CNN2: variants seen among roughly 807,000 people sequenced by gnomAD.
The protein encoded by CNN2 is calponin 2, also known as calponin-2.
CNN2 carries 21 observed loss-of-function variants against 31.0 expected under a neutral mutation model. The ratio of observed to expected loss-of-function variants is 0.68; its 90% CI spans 0.48 to 0.98. The LOEUF (loss-of-function observed/expected upper bound fraction) is 0.98. Ranked by LOEUF, CNN2 falls within the 50% of genes least tolerant of loss-of-function variation. CNN2 has a pLI of 0.00. For missense variants in CNN2, 399 were observed against 427.3 expected (o/e 0.93, Z 0.58); for synonymous variants, 165 against 179.6 (o/e 0.92, Z 0.65).
At chr19:1,028,776 C>T (rs1426114429) in intron 1 of CNN2, among the ~76,000 whole-genome samples, 3 of 152,110 alleles carry the variant, frequency 2.0e-5, no homozygotes, top group Non-Finnish European at 4.4e-5. Flanking sequence ...CCGGCAGAGA[C>T]GCGGCGCAGC....
intron 2 of CNN2, among the ~76,000 whole-genome samples, chr19:1,031,896 G>C (rs2039504139): frequency 1.3e-5 from 2 of 152,070 alleles, no homozygotes; most frequent in Admixed American, 1.3e-4. Context: ...GGGCTTACAG[G>C]CCTGAGCCAC....
At chr19:1,031,705 C>A (rs1224810404) in intron 2 of CNN2, among the ~76,000 whole-genome samples, 5 of 150,638 alleles carry the variant, frequency 3.3e-5, no homozygotes, top group Non-Finnish European at 7.4e-5. Context: ...ACCTCCACCT[C>A]CTGGGTTCAA....
At chr19:1,030,110 G>C (rs1178732679) in intron 1 of CNN2, among the ~76,000 whole-genome samples, 1 of 152,082 alleles carries the variant, frequency 6.6e-6, no homozygotes, top group African/African-American at 2.4e-5. Context: ...TGCTGTCTCC[G>C]CGGTCACTAG....
intron 1 of CNN2, among the ~76,000 whole-genome samples, chr19:1,029,802 C>T (rs1351772028): frequency 6.6e-6 from 1 of 151,650 alleles, no homozygotes; most frequent in Non-Finnish European, 1.5e-5. Flanking sequence ...TGGGTTCAAG[C>T]GATTCTCCTG....
chr19:1,036,383 G>A (rs2039584716), intron 5 of CNN2, 33 bp from the exon 6 acceptor site: 1 of 1,606,406 alleles, frequency 6.2e-7, no homozygotes, highest in Non-Finnish European at 8.5e-7. Flanking sequence ...CTTGTTGGGT[G>A]CAGTCTGACC....
At chr19:1,031,275 T>G in intron 2 of CNN2, 83 bp downstream of exon 2, 2 of 1,158,968 alleles carry the variant, frequency 1.7e-6, no homozygotes, top group South Asian at 1.6e-5. Flanking sequence ...AAGAAATTTT[T>G]GGGGGGCCGG....
chr19:1,028,046 G>A (rs754156263), intron 1 of CNN2, among the ~76,000 whole-genome samples: 5 of 152,214 alleles, frequency 3.3e-5, no homozygotes, highest in Non-Finnish European at 1.5e-5. Context: ...TGCATTCATA[G>A]AGCCCCCCGT....
chr19:1,037,562 G>T, intron 6 of CNN2, 63 bp from the exon 7 acceptor site: 1 of 1,571,996 alleles, frequency 6.4e-7, no homozygotes, highest in South Asian at 1.2e-5. Flanking sequence ...GTGAGCCAGT[G>T]CACCCAGTGA....
chr19:1,037,732 C>A lies in CNN2; in HGVS notation c.762C>A (p.Gly254=). ...SMSLQMGYTQ[G]ANQSGQVFGL... ...CCCTGCAGATGGGCTACACGCAGGG[C>A]GCCAACCAGAGCGGCCAGGTCTTCG... is the stretch of plus-strand genomic sequence containing the variant. Residue 254 remains glycine, a synonymous_variant, in exon 7 of 7, where the codon GGC becomes GGA. Coordinates refer to ENST00000263097, the MANE Select transcript of CNN2 (RefSeq NM_004368.4). 1 of 1,536,504 alleles carries A rather than the reference C, an allele frequency of 6.5e-7. No individual in the cohort carries two copies. The highest frequency in any genetic ancestry group is 1.1e-5 in the South Asian group (1 of 88,200).
chr19:1,031,819 T>C (rs2039503057), intron 2 of CNN2, among the ~76,000 whole-genome samples: 2 of 151,166 alleles, frequency 1.3e-5, no homozygotes, highest in Non-Finnish European at 2.9e-5. Flanking sequence ...GGTTGCTCCA[T>C]GTTGGCCAGG....
Position 1,036,538 on chromosome 19 carries a change from G to A in CNN2, c.630G>A (p.Met210Ile). The A allele has an allele frequency of 6.2e-7, 1 of 1,613,568 alleles. No individual in the cohort carries two copies. ...PMDHSTISLQMGTNKCASQVG... is the reference protein window; with the variant it reads ...PMDHSTISLQIGTNKCASQVG... The stretch of plus-strand genomic sequence containing the variant: ...ACCACTCGACCATCAGCCTCCAGAT[G>A]GGCACGAACAAGTGTGCCAGCCAGG... The change falls in exon 6 of 7, where the codon ATG becomes ATA. Residue 210 changes from methionine to isoleucine, a missense_variant. Physicochemically the swap from Met to Ile is conservative, Grantham distance 10 (BLOSUM62 1). Transcript: ENST00000263097.
At chr19:1,035,671 C>T (rs1439950594) in intron 4 of CNN2, among the ~76,000 whole-genome samples, 1 of 152,214 alleles carries the variant, frequency 6.6e-6, no homozygotes, top group African/African-American at 2.4e-5. Flanking sequence ...GCCTGTAATC[C>T]CAGCACTTTT....
At chr19:1,033,714 G>A (rs2039539903) in intron 4 of CNN2, among the ~76,000 whole-genome samples, 1 of 122,122 alleles carries the variant, frequency 8.2e-6, no homozygotes, top group African/African-American at 3.1e-5. Context: ...GACCGGGAGC[G>A]TGGGTGGGAC....
At position 1,031,040 on chromosome 19, in the gene CNN2, C is replaced by A. The variant is rs201917431; in HGVS notation, c.64-31C>A. 4,903 of 1,599,714 alleles carry A rather than the reference C, an allele frequency of 3.1e-3. 14 individuals are homozygous for A. Among genetic ancestry groups the A allele is most frequent in the Non-Finnish European group, 3.0e-3 (3,481 of 1,170,976 alleles). Reference sequence around the variant, plus strand: ...GTTCCTGCTGGGGGTGCCCCCAGCCCAGCTCAGTCTCGTGCCCTTTGCTCC... The same window carrying A: ...GTTCCTGCTGGGGGTGCCCCCAGCCAAGCTCAGTCTCGTGCCCTTTGCTCC... On this transcript the variant is annotated intron_variant, in intron 1 of 6. Coordinates refer to ENST00000263097, the MANE Select transcript of CNN2 (RefSeq NM_004368.4).
rs1226259453 is a variant in CNN2 at position 1,026,616 on chromosome 19, C to G, written c.-46C>G. On this transcript the variant is annotated 5_prime_UTR_variant, in exon 1 of 7. Coordinates refer to ENST00000263097, the MANE Select transcript of CNN2 (RefSeq NM_004368.4). ...CCCCGCGCCAGCCCGGCGGTCCCGT[C>G]CCGTCCCGTCCTGTGCGGCCCCGTC... is the stretch of plus-strand genomic sequence containing the variant. The G allele has an allele frequency of 3.5e-5, 51 of 1,467,028 alleles. No homozygotes were observed. In the East Asian group the frequency reaches 1.5e-3, roughly 42 times the overall value. 90.9% of individuals were successfully genotyped at this position (1,467,028 alleles called of 1,614,324 possible).
chr19:1,036,022 A>G (rs1322767479), intron 4 of CNN2, 108 bp from the exon 5 acceptor site: 1 of 1,441,794 alleles, frequency 6.9e-7, no homozygotes, highest in Non-Finnish European at 9.1e-7. Context: ...TCTGCGCGGC[A>G]GGCAGAGGTG....
intron 1 of CNN2, chr19:1,027,109 C>A (rs2039411723): frequency 5.3e-6 from 1 of 188,450 alleles, no homozygotes; most frequent in South Asian, 1.1e-4. Flanking sequence ...GGGGGGACCC[C>A]AGCAACCCCG....
In CNN2 at chr19:1,037,800, G is replaced by A; in HGVS notation, c.830G>A (p.Gly277Asp). ...TATGACCCCAAGTACTGCCCGCAAG[G>A]CACAGTGGCCGATGGGGCTCCCTCG... is the stretch of plus-strand genomic sequence containing the variant. ...QIYDPKYCPQ[G>D]TVADGAPSGT... Residue 277 changes from glycine to aspartate, a missense_variant, in exon 7 of 7, where the codon GGC (glycine) becomes GAC (aspartate). Physicochemically the swap from Gly to Asp is moderately conservative, Grantham distance 94. Transcript: ENST00000263097. 2 of 1,610,954 alleles carry A rather than the reference G, an allele frequency of 1.2e-6. No individual in the cohort carries two copies. The highest frequency in any genetic ancestry group is 1.7e-6 in the Non-Finnish European group (2 of 1,179,524).
At chr19:1,027,285 C>A (rs979287512) in intron 1 of CNN2, among the ~76,000 whole-genome samples, 3 of 152,254 alleles carry the variant, frequency 2.0e-5, no homozygotes, top group Non-Finnish European at 4.4e-5. Context: ...CCGCTTTGCA[C>A]GGTCTTTGTC....
Sources: gnomAD v4.1 joint callset for allele counts (sites outside exome capture counted in the v4.1 genomes callset) on GRCh38, gnomAD v4.1.1 for gene constraint, MANE v1.5 for transcripts, NCBI Gene and HGNC (gene_info 2026-07-23, HGNC 2026-07-21) for gene names.